The following RGS7 variants were observed in gnomAD, a reference collection of about 807,000 sequenced individuals.
RGS7 encodes the protein regulator of G protein signaling 7.
In RGS7, 27 loss-of-function variants were observed where a neutral mutation model predicts 81.1. That is an observed-to-expected ratio of 0.33 (90% CI 0.25 to 0.46). The LOEUF is 0.46. Ranked by LOEUF, RGS7 falls within the 20% of genes least tolerant of loss-of-function variation. The pLI is 1.00. For synonymous variants in RGS7, 208 were observed against 207.7 expected (o/e 1.00, Z -0.01); for missense variants, 396 against 607.4 (o/e 0.65, Z 3.66).
intron 2 of RGS7, among the ~76,000 whole-genome samples, chr1:241,102,166 C>T (rs1273797139): frequency 6.6e-6 from 1 of 152,134 alleles, no homozygotes; most frequent in Non-Finnish European, 1.5e-5. Context: ...ATCCGTGAAC[C>T]TTCTCATGGC....
At chr1:241,295,410 G>C (rs2079362042) in intron 2 of RGS7, among the ~76,000 whole-genome samples, 1 of 151,862 alleles carries the variant, frequency 6.6e-6, no homozygotes, top group South Asian at 2.1e-4. Flanking sequence ...CCGAGATCGG[G>C]CCTCTGCACT....
At chr1:241,092,405 T>C (rs2063945413) in intron 3 of RGS7, among the ~76,000 whole-genome samples, 1 of 152,224 alleles carries the variant, frequency 6.6e-6, no homozygotes. Context: ...AGTGTTATAG[T>C]TTGCTTTACC....
In RGS7 at chr1:241,004,177, C is replaced by G. The variant is rs184638547; in HGVS notation, c.176-21048G>C. Among the ~76,000 whole-genome samples, 211 of 152,282 alleles carry G rather than the reference C, an allele frequency of 1.4e-3. 1 individual carries two copies. Among genetic ancestry groups the G allele is most frequent in the Admixed American group, 2.4e-3 (36 of 15,294 alleles). ...AATCATTCTGACTACTGCCTTTAAT[C>G]CAAGACTAAGGCCTGAAATCCTGAA... On this transcript the variant is annotated intron_variant, in intron 3 of 18. Coordinates refer to ENST00000440928, the MANE Select transcript of RGS7 (RefSeq NM_001364886.1).
chr1:241,062,579 A>G (rs61832516), intron 3 of RGS7, among the ~76,000 whole-genome samples: 1,924 of 152,300 alleles, frequency 0.013, 21 homozygotes, highest in Non-Finnish European at 0.021. Flanking sequence ...CTAGAACTGA[A>G]GTAGTTTTCC....
At chr1:241,145,770 A>G (rs1366630492) in intron 2 of RGS7, among the ~76,000 whole-genome samples, 1 of 152,162 alleles carries the variant, frequency 6.6e-6, no homozygotes, top group Admixed American at 6.5e-5. Context: ...AAATAAATTA[A>G]ATAATAAATA....
At chr1:241,327,147 G>GA (rs1553320967) in intron 2 of RGS7, among the ~76,000 whole-genome samples, 13 of 74,428 alleles carry the variant, frequency 1.7e-4, no homozygotes, top group Admixed American at 1.3e-3. Flanking sequence ...AGAAAGAAAG[G>GA]AAAGAAAGAA....
intron 2 of RGS7, among the ~76,000 whole-genome samples, chr1:241,134,686 G>T (rs1230623814): frequency 6.6e-6 from 1 of 152,164 alleles, no homozygotes; most frequent in Non-Finnish European, 1.5e-5. Context: ...GGGGCTTGCG[G>T]GAAATGAATG....
At chr1:241,351,371 A>G (rs924835655) in intron 2 of RGS7, among the ~76,000 whole-genome samples, 1 of 151,564 alleles carries the variant, frequency 6.6e-6, no homozygotes, top group South Asian at 2.1e-4. Context: ...GTGAGCTATG[A>G]TTGCACCACT....
At chr1:240,863,631 A>G (rs1662664763) in intron 9 of RGS7, among the ~76,000 whole-genome samples, 1 of 152,204 alleles carries the variant, frequency 6.6e-6, no homozygotes, top group African/African-American at 2.4e-5. Flanking sequence ...TTGTATAAAC[A>G]TCCCTGGCAG....
At chr1:241,260,832 T>C (rs1445260232) in intron 2 of RGS7, among the ~76,000 whole-genome samples, 3 of 148,638 alleles carry the variant, frequency 2.0e-5, no homozygotes, top group African/African-American at 7.5e-5. Context: ...ATCTAAGGAG[T>C]TGGTTAAAAC....
At chr1:240,851,284 C>T (rs889663677) in intron 9 of RGS7, among the ~76,000 whole-genome samples, 7 of 152,122 alleles carry the variant, frequency 4.6e-5, no homozygotes, top group Non-Finnish European at 8.8e-5. Context: ...ATCTACTGTG[C>T]CTGTGTTCTA....
intron 2 of RGS7, among the ~76,000 whole-genome samples, chr1:241,159,624 C>G (rs1375429574): frequency 6.6e-6 from 1 of 151,942 alleles, no homozygotes; most frequent in Non-Finnish European, 1.5e-5. Context: ...TATAAGGACA[C>G]TGAGATATCA....
At chr1:241,336,453 T>C (rs532248474) in intron 2 of RGS7, among the ~76,000 whole-genome samples, 2 of 152,284 alleles carry the variant, frequency 1.3e-5, no homozygotes, top group East Asian at 1.9e-4. Flanking sequence ...CCCTAAAACA[T>C]AGGAATCCAG....
chr1:240,858,388 C>A (rs1176212324), intron 9 of RGS7, among the ~76,000 whole-genome samples: 1 of 152,228 alleles, frequency 6.6e-6, no homozygotes, highest in East Asian at 1.9e-4. Flanking sequence ...TGTTCCACAT[C>A]CTCACCAGCA....
intron 2 of RGS7, among the ~76,000 whole-genome samples, chr1:241,224,342 T>C (rs767816728): frequency 6.7e-5 from 10 of 149,394 alleles, no homozygotes; most frequent in East Asian, 6.0e-4. Flanking sequence ...TGAGAACATG[T>C]AGTGTTTGGT....
intron 6 of RGS7, among the ~76,000 whole-genome samples, chr1:240,899,307 G>A (rs1669595058): frequency 6.6e-6 from 1 of 152,128 alleles, no homozygotes; most frequent in Admixed American, 6.5e-5. Context: ...ATTGTTATGT[G>A]TGAATTTGAT....
chr1:241,266,229 A>T (rs2077586762), intron 2 of RGS7, among the ~76,000 whole-genome samples: 1 of 152,184 alleles, frequency 6.6e-6, no homozygotes, highest in East Asian at 1.9e-4. Context: ...TGCCATTTTC[A>T]TCTCATTTTA....
chr1:240,971,251 G>A lies in RGS7; in HGVS notation c.226+11828C>T, dbSNP rs1428209870. ...CCCTCAGCAGACACAAAGGCCACCA[G>A]CACCTTGACCTTGGACTTCCCAGTT... is the stretch of plus-strand genomic sequence containing the variant. On this transcript the variant is annotated intron_variant, in intron 4 of 18. Coordinates refer to ENST00000440928, the MANE Select transcript of RGS7 (RefSeq NM_001364886.1). 2.0e-5 allele frequency among the ~76,000 whole-genome samples: 3 copies of A among 152,272 alleles called. No individual in the cohort carries two copies. In the East Asian group the frequency reaches 5.8e-4, roughly 29 times the overall value.
At chr1:241,182,793 C>T (rs1031732259) in intron 2 of RGS7, among the ~76,000 whole-genome samples, 6 of 151,322 alleles carry the variant, frequency 4.0e-5, no homozygotes, top group Non-Finnish European at 7.4e-5. Context: ...GGATTACAGG[C>T]ACATGCTACC....
Sources: allele counts gnomAD v4.1 joint callset (sites outside exome capture counted in the v4.1 genomes callset), GRCh38; gene constraint gnomAD v4.1.1; transcripts MANE v1.5; gene names NCBI Gene and HGNC (gene_info 2026-07-23, HGNC 2026-07-21).